Variants in PTCD1 observed in about 807,000 individuals in gnomAD.
PTCD1 encodes the protein pentatricopeptide repeat domain 1.
In PTCD1, 50 loss-of-function variants were observed where a neutral mutation model predicts 53.4. The observed-to-expected ratio is 0.94, with a 90% CI of 0.75 to 1.19. PTCD1 has a LOEUF of 1.19. Among genes scored for constraint, PTCD1 ranks in the 50% most tolerant of loss-of-function variants. PTCD1 has a pLI of 0.00. For missense variants in PTCD1, 918 were observed against 904.8 expected (o/e 1.01, Z -0.19); for synonymous variants, 413 against 394.8 (o/e 1.05, Z -0.55).
rs1584444391 is a variant in PTCD1, at chr7:99,418,042, A to C, written c.*1925T>G. ...GAGTGCAGTGATGCCATCTTGGCTCACTGCAACCTCCACCTCCCGGGTTCA... is the reference window on the plus strand; with the variant it reads ...GAGTGCAGTGATGCCATCTTGGCTCCCTGCAACCTCCACCTCCCGGGTTCA... On this transcript the variant is annotated 3_prime_UTR_variant, in exon 8 of 8. Coordinates refer to ENST00000292478, the MANE Select transcript of PTCD1 (RefSeq NM_015545.4). 2 of 1,074,824 alleles carry C rather than the reference A, an allele frequency of 1.9e-6. No homozygotes were observed. Among genetic ancestry groups the C allele is most frequent in the Non-Finnish European group, 2.3e-6 (2 of 871,414 alleles). The allele number at this position is 1,074,824 out of a possible 1,614,324, so 66.6% of individuals were successfully genotyped here.
At chr7:99,420,638 C>T (rs1216301232) in intron 7 of PTCD1, among the ~76,000 whole-genome samples, 2 of 152,196 alleles carry the variant, frequency 1.3e-5, no homozygotes, top group Admixed American at 1.3e-4. Context: ...AAGTGCTATC[C>T]AACATACAGC....
Position 99,425,019 on chromosome 7 carries a change from A to C in PTCD1, c.1513T>G (p.Ser505Ala), listed in dbSNP as rs1486493050. 2.5e-6 allele frequency: 4 copies of C among 1,614,046 alleles called. No homozygotes were observed. The Admixed American group carries it at 6.7e-5, about 27-fold the overall frequency. The change falls in exon 6 of 8, where the codon TCC (serine) becomes GCC (alanine). Residue 505 changes from serine (S) to alanine (A), a missense_variant. Physicochemically the swap from Ser to Ala is moderately conservative, Grantham distance 99. Coordinates refer to ENST00000292478, the MANE Select transcript of PTCD1 (RefSeq NM_015545.4). Reference protein sequence around the residue: ...EVVESGSPAESLLLALLDEHQ... With the variant: ...EVVESGSPAEALLLALLDEHQ... Reference sequence around the variant, plus strand: ...TCATCCAGGAGGGCCAGCAGCAAGGACTCTGCAGGACTCCCGGACTCCACC... The same window carrying C: ...TCATCCAGGAGGGCCAGCAGCAAGGCCTCTGCAGGACTCCCGGACTCCACC...
rs371698545 is a variant in PTCD1 at position 99,419,614 on chromosome 7, C to A, written c.*353G>T. 10 of 835,180 alleles carry A rather than the reference C, an allele frequency of 1.2e-5. No individual in the cohort carries two copies. Among genetic ancestry groups the A allele is most frequent in the Non-Finnish European group, 1.7e-5 (9 of 544,630 alleles). The allele number at this position is 835,180 out of a possible 1,614,324, so 51.7% of individuals were successfully genotyped here. ...GTAAAAATAAAATCTTTAAATCTCT[C>A]GAGCCCCACGTCTCTTCTTTCAGAG... On this transcript the variant is annotated 3_prime_UTR_variant, in exon 8 of 8. Coordinates refer to ENST00000292478, the MANE Select transcript of PTCD1 (RefSeq NM_015545.4).
In PTCD1 at chr7:99,423,957, T is replaced by C. The variant is rs879786546; in HGVS notation, c.1738A>G (p.Lys580Glu). ...DGLQLLTDMK[K>E]SQVTPNTHIY... ...TGAGTGTTGGGGGTCACCTGGGACT[T>C]CTAGAACACAGGGACATCGTAGAAT... Residue 580 changes from lysine (K) to glutamate (E), a missense_variant and splice_region_variant, in exon 7 of 8, where the codon AAG becomes GAG. Coordinates refer to ENST00000292478, the MANE Select transcript of PTCD1 (RefSeq NM_015545.4). The C allele has an allele frequency of 2.5e-6, 4 of 1,614,012 alleles. No homozygotes were observed. Among genetic ancestry groups the C allele is most frequent in the Non-Finnish European group, 3.4e-6 (4 of 1,179,944 alleles).
chr7:99,424,526 C>G (rs1795942313), intron 6 of PTCD1, among the ~76,000 whole-genome samples: 1 of 152,210 alleles, frequency 6.6e-6, no homozygotes, highest in South Asian at 2.1e-4. Flanking sequence ...GGGGCCGAGG[C>G]CTGTGCCCAG....
At chr7:99,424,534 C>A (rs1795942799) in intron 6 of PTCD1, among the ~76,000 whole-genome samples, 1 of 152,122 alleles carries the variant, frequency 6.6e-6, no homozygotes, top group South Asian at 2.1e-4. Context: ...GGCCTGTGCC[C>A]AGCCCTGTGT....
intron 5 of PTCD1, 92 bp from the exon 6 acceptor site, chr7:99,425,708 T>C: frequency 6.8e-7 from 1 of 1,473,488 alleles, no homozygotes; most frequent in East Asian, 2.5e-5. Context: ...TTGGGAGTTT[T>C]AGATGGGAGG....
intron 7 of PTCD1, among the ~76,000 whole-genome samples, chr7:99,421,451 AAAAG>A (rs1489533063): frequency 6.6e-6 from 1 of 150,808 alleles, no homozygotes; most frequent in Non-Finnish European, 1.5e-5. Context: ...AAAAAAAGAA[AAAAG>A]AAAATGCGGC....
At chr7:99,424,017 C>G in intron 6 of PTCD1, 60 bp from the exon 7 acceptor site, 1 of 1,586,164 alleles carries the variant, frequency 6.3e-7, no homozygotes, top group Admixed American at 1.8e-5. Flanking sequence ...CCAGCAGCTC[C>G]CACCCTCTGT....
chr7:99,438,734 C>T lies in PTCD1; in HGVS notation c.-69G>A, dbSNP rs45542444. ...GTGCACTCCGACGGGGAGCCCTGCC[C>T]GGTCCCCGCGGCGAACCAGTCTCTT... is the stretch of plus-strand genomic sequence containing the variant. On this transcript the variant is annotated 5_prime_UTR_variant, in exon 1 of 8. Coordinates refer to ENST00000292478, the MANE Select transcript of PTCD1 (RefSeq NM_015545.4). 9 of 1,310,014 alleles carry T rather than the reference C, an allele frequency of 6.9e-6. No individual in the cohort carries two copies. The highest frequency in any genetic ancestry group is 9.0e-6 in the Non-Finnish European group (9 of 1,005,096). 81.1% of individuals were successfully genotyped at this position (1,310,014 alleles called of 1,614,324 possible).
chr7:99,419,913 TGGGGCTCCCACAGAGCA>T lies in PTCD1; in HGVS notation c.*37_*53del. The T allele has an allele frequency of 6.2e-7, 1 of 1,612,190 alleles. No individual in the cohort carries two copies. Among genetic ancestry groups the T allele is most frequent in the Non-Finnish European group, 8.5e-7 (1 of 1,179,710 alleles). On this transcript the variant is annotated 3_prime_UTR_variant, in exon 8 of 8. Transcript: ENST00000292478. ...GGAGGTGACACCAGCTCACTTGTCC[TGGGGCTCCCACAGAGCA>T]CTGGGGGCCGAGCACATTGTTCCAG...
chr7:99,434,716 A>T, intron 2 of PTCD1, 74 bp downstream of exon 2: 2 of 1,591,482 alleles, frequency 1.3e-6, no homozygotes, highest in Non-Finnish European at 1.7e-6. Flanking sequence ...TGGGAAAGTC[A>T]GGTGACCCCT....
Position 99,418,088 on chromosome 7 carries a change from C to A in PTCD1, c.*1879G>T. 5 of 693,384 alleles carry A rather than the reference C, an allele frequency of 7.2e-6. No homozygotes were observed. Among genetic ancestry groups the A allele is most frequent in the Non-Finnish European group, 5.6e-6 (3 of 534,172 alleles). The allele number at this position is 693,384 out of a possible 1,614,324, so 43.0% of individuals were successfully genotyped here. A position where few individuals can be genotyped will look rare whatever the true frequency, so the allele number is the denominator to read the frequency against. On this transcript the variant is annotated 3_prime_UTR_variant, in exon 8 of 8. Transcript: ENST00000292478. ...GTTCAAGCGGTTCTCCTGCCTCATC[C>A]TCCTGAGTAGCTGGGACTACAGGCA...
Position 99,417,928 on chromosome 7 carries a change from C to T in PTCD1, c.*2039G>A, listed in dbSNP as rs1340252451. 5 of 1,272,972 alleles carry T rather than the reference C, an allele frequency of 3.9e-6. No individual in the cohort carries two copies. The highest frequency in any genetic ancestry group is 5.0e-6 in the Non-Finnish European group (5 of 997,394). 78.9% of individuals were successfully genotyped at this position (1,272,972 alleles called of 1,614,324 possible). ...GAAGGACAACCAGTGAGTTCCTGTC[C>T]CTTTCAGTCCTCACAGTGATACTTT... On this transcript the variant is annotated 3_prime_UTR_variant, in exon 8 of 8. Transcript: ENST00000292478.
At chr7:99,434,112 G>GAC (rs1796363254) in intron 2 of PTCD1, among the ~76,000 whole-genome samples, 1 of 149,274 alleles carries the variant, frequency 6.7e-6, no homozygotes, top group Non-Finnish European at 1.5e-5. Context: ...AATTAAGAAA[G>GAC]ACACACAGTA....
At chr7:99,424,310 G>A (rs1225058785) in intron 6 of PTCD1, among the ~76,000 whole-genome samples, 2 of 152,214 alleles carry the variant, frequency 1.3e-5, no homozygotes, top group East Asian at 3.8e-4. Context: ...TTGGCTGGGT[G>A]AGCCCGGTAG....
At position 99,417,961 on chromosome 7, in the gene PTCD1, C is replaced by G. The variant is rs1464773497; in HGVS notation, c.*2006G>C. On this transcript the variant is annotated 3_prime_UTR_variant, in exon 8 of 8. Coordinates refer to ENST00000292478, the MANE Select transcript of PTCD1 (RefSeq NM_015545.4). The stretch of plus-strand genomic sequence containing the variant: ...TCCTCACAGTGATACTTTAACATTA[C>G]CATCACTATCTTTCCCGCCCCCCCA... 3 of 1,201,838 alleles carry G rather than the reference C, an allele frequency of 2.5e-6. No homozygotes were observed. The highest frequency in any genetic ancestry group is 2.1e-6 in the Non-Finnish European group (2 of 955,126). The allele number at this position is 1,201,838 out of a possible 1,614,324, so 74.4% of individuals were successfully genotyped here.
At chr7:99,422,011 C>T (rs944754801) in intron 7 of PTCD1, among the ~76,000 whole-genome samples, 2 of 152,194 alleles carry the variant, frequency 1.3e-5, no homozygotes, top group East Asian at 3.9e-4. Flanking sequence ...TCGAGTTGAA[C>T]CCCTAGTGAG....
chr7:99,417,608 A>G lies in PTCD1; in HGVS notation c.*2359T>C. On this transcript the variant is annotated 3_prime_UTR_variant, in exon 8 of 8. Coordinates refer to ENST00000292478, the MANE Select transcript of PTCD1 (RefSeq NM_015545.4). ...CAAGCTGGAAGTGGTAATGTCTGAC[A>G]CTCAAGCTTGGTGTTGTTTTCAGCT... 1 of 1,609,710 alleles carries G rather than the reference A, an allele frequency of 6.2e-7. No individual in the cohort carries two copies. The highest frequency in any genetic ancestry group is 8.5e-7 in the Non-Finnish European group (1 of 1,179,952).
Sources: allele counts gnomAD v4.1 joint callset (sites outside exome capture counted in the v4.1 genomes callset), GRCh38; gene constraint gnomAD v4.1.1; transcripts MANE v1.5; gene names NCBI Gene and HGNC (gene_info 2026-07-23, HGNC 2026-07-21).